The following FGGY variants were observed in gnomAD, a reference collection of about 807,000 sequenced individuals.
FGGY encodes FGGY carbohydrate kinase domain containing.
FGGY carries 72 observed loss-of-function variants against 71.3 expected under a neutral mutation model. That is an observed-to-expected ratio of 1.01 (90% CI 0.84 to 1.23). FGGY has a LOEUF of 1.23. Ranked by LOEUF, FGGY falls within the 50% of genes most tolerant of loss-of-function variation. The pLI is 0.00. For synonymous variants in FGGY, 251 were observed against 250.3 expected, an observed-to-expected ratio of 1.00 and a Z score of -0.02; for missense variants, 668 against 682.3, an observed-to-expected ratio of 0.98 and a Z score of 0.23.
In FGGY at chr1:59,375,940, A is replaced by C. The variant is rs181129289; in HGVS notation, c.466-2809A>C. 1.5e-3 allele frequency among the ~76,000 whole-genome samples: 208 copies of C among 139,966 alleles called. 1 individual carries two copies. Among genetic ancestry groups the C allele is most frequent in the African/African-American group, 4.4e-3 (164 of 37,124 alleles). The allele number at this position is 139,966 out of a possible 152,430, so 91.8% of individuals were successfully genotyped here. A position where few individuals can be genotyped will look rare whatever the true frequency, so the allele number is the denominator to read the frequency against. On this transcript the variant is annotated intron_variant, in intron 4 of 15. Transcript: ENST00000303721. Reference sequence around the variant, plus strand: ...AGATTGTTGTGCTTTGGCTTGAAGCACTGGTTGTTGCTGCGGTGGTTTGGC... The same window carrying C: ...AGATTGTTGTGCTTTGGCTTGAAGCCCTGGTTGTTGCTGCGGTGGTTTGGC...
At chr1:59,587,798 C>T (rs1263769873) in intron 8 of FGGY, among the ~76,000 whole-genome samples, 7 of 152,074 alleles carry the variant, frequency 4.6e-5, no homozygotes, top group African/African-American at 9.7e-5. Flanking sequence ...CCCATCTGTA[C>T]GTCGCCATCA....
intron 8 of FGGY, among the ~76,000 whole-genome samples, chr1:59,595,474 A>T (rs964102574): frequency 6.6e-6 from 1 of 152,122 alleles, no homozygotes; most frequent in African/African-American, 2.4e-5. Flanking sequence ...GCAGATCACA[A>T]GGTCAGGAGT....
chr1:59,708,042 AAGGTTATAT>A (rs1258049763), intron 14 of FGGY, among the ~76,000 whole-genome samples: 4 of 152,182 alleles, frequency 2.6e-5, no homozygotes, highest in Admixed American at 2.6e-4. Context: ...TAACTGTCCT[AAGGTTATAT>A]AGAGAGAATC....
intron 8 of FGGY, among the ~76,000 whole-genome samples, chr1:59,569,691 T>C (rs2153732303): frequency 6.6e-6 from 1 of 152,338 alleles, no homozygotes; most frequent in South Asian, 2.1e-4. Context: ...TATGGAAGTT[T>C]TTGTGACCGT....
chr1:59,381,575 T>A (rs2059450201), intron 5 of FGGY, among the ~76,000 whole-genome samples: 1 of 152,022 alleles, frequency 6.6e-6, no homozygotes, highest in African/African-American at 2.4e-5. Context: ...ATGGGACCAC[T>A]GTCATATATG....
At chr1:59,458,978 A>G (rs2091956613) in intron 6 of FGGY, among the ~76,000 whole-genome samples, 1 of 152,222 alleles carries the variant, frequency 6.6e-6, no homozygotes, top group South Asian at 2.1e-4. Flanking sequence ...AGTGTTAAAC[A>G]TTTCCAGTGG....
intron 14 of FGGY, among the ~76,000 whole-genome samples, chr1:59,690,847 A>G (rs2097581868): frequency 6.6e-6 from 1 of 152,248 alleles, no homozygotes. Flanking sequence ...ATGTCTCCAG[A>G]AACAACTTTA....
intron 5 of FGGY, among the ~76,000 whole-genome samples, chr1:59,395,984 C>T (rs569239452): frequency 6.6e-6 from 1 of 152,220 alleles, no homozygotes; most frequent in Non-Finnish European, 1.5e-5. Flanking sequence ...AAATAATCAC[C>T]CTAAGCCAGT....
intron 6 of FGGY, among the ~76,000 whole-genome samples, chr1:59,471,997 C>G (rs562289965): frequency 1.3e-5 from 2 of 152,358 alleles, no homozygotes; most frequent in South Asian, 4.1e-4. Flanking sequence ...GCTCGCTCTC[C>G]GCGCCTCCTC....
intron 5 of FGGY, among the ~76,000 whole-genome samples, chr1:59,443,595 A>G (rs2070500878): frequency 1.3e-5 from 2 of 152,254 alleles, no homozygotes; most frequent in Non-Finnish European, 1.5e-5. Flanking sequence ...CAGGAATGCC[A>G]TTAAGACTGA....
chr1:59,654,114 T>C (rs74950182), intron 11 of FGGY, among the ~76,000 whole-genome samples: 2 of 152,238 alleles, frequency 1.3e-5, no homozygotes, highest in African/African-American at 2.4e-5. Context: ...TACCACATTG[T>C]GGTAGCACAG....
intron 14 of FGGY, among the ~76,000 whole-genome samples, chr1:59,743,927 T>C (rs1049732343): frequency 2.0e-5 from 3 of 152,336 alleles, no homozygotes; most frequent in South Asian, 2.1e-4. Flanking sequence ...CTGTGTTCTT[T>C]ATCACTCCCC....
intron 4 of FGGY, among the ~76,000 whole-genome samples, chr1:59,358,214 G>A (rs1570934710): frequency 1.3e-5 from 2 of 152,210 alleles, no homozygotes; most frequent in East Asian, 3.9e-4. Context: ...GGTGCAAAAT[G>A]GTATTCTTTT....
intron 4 of FGGY, among the ~76,000 whole-genome samples, chr1:59,347,132 C>CAA (rs556967334): frequency 1.4e-3 from 203 of 147,536 alleles, no homozygotes; most frequent in African/African-American, 3.7e-3. Context: ...TTTTAGGGTA[C>CAA]ATGTGCACAA....
rs77518251 is a variant in FGGY at position 59,433,038 on chromosome 1, C to T, written c.555-23923C>T. On this transcript the variant is annotated intron_variant, in intron 5 of 15. Coordinates refer to ENST00000303721, the MANE Select transcript of FGGY (RefSeq NM_018291.5). ...TGAGGAAAAGGACATATCCAACTGA[C>T]CTTTGTATCTGTAGAGCCTAGCTCC... Among the ~76,000 whole-genome samples, 625 of 152,332 alleles carry T rather than the reference C, an allele frequency of 4.1e-3. 3 individuals carry two copies. Among genetic ancestry groups the T allele is most frequent in the African/African-American group, 0.014 (584 of 41,578 alleles).
At chr1:59,465,653 CAA>C (rs2092574783) in intron 6 of FGGY, among the ~76,000 whole-genome samples, 1 of 152,208 alleles carries the variant, frequency 6.6e-6, no homozygotes, top group African/African-American at 2.4e-5. Flanking sequence ...GCAACTTCAG[CAA>C]AGTCTCAGGA....
At position 59,721,337 on chromosome 1, in the gene FGGY, G is replaced by GTTTTTTTTTTTTTTTTTTTTT. The variant is rs71046339; in HGVS notation, c.1513-36575_1513-36574insTTTTTTTTTTTTTTTTTTTTT. Among the ~76,000 whole-genome samples the GTTTTTTTTTTTTTTTTTTTTT allele has an allele frequency of 1.6e-4, 17 of 105,370 alleles. 4 individuals carry two copies. Among genetic ancestry groups the GTTTTTTTTTTTTTTTTTTTTT allele is most frequent in the East Asian group, 6.4e-4 (2 of 3,124 alleles). The allele number at this position is 105,370 out of a possible 152,430, so 69.1% of individuals were successfully genotyped here. ...AGAGAGTTTTTCTTTTCTTTCCTTT[G>GTTTTTTTTTTTTTTTTTTTTT]TTTTTTTTTTTTTTTTTTTGAGACG... is the stretch of plus-strand genomic sequence containing the variant. On this transcript the variant is annotated intron_variant, in intron 14 of 15. Transcript: ENST00000303721.
In FGGY at chr1:59,299,062, C is replaced by T. The variant is rs2042375039; in HGVS notation, c.-15+1912C>T. ...AGATGAGTACATTGAAAAGGTATGC[C>T]GAAGACTCCCAGGAGTTGAGAGAAG... On this transcript the variant is annotated intron_variant, in intron 1 of 15. Coordinates refer to ENST00000303721, the MANE Select transcript of FGGY (RefSeq NM_018291.5). Among the ~76,000 whole-genome samples, 3 of 152,070 alleles carry T rather than the reference C, an allele frequency of 2.0e-5. No homozygotes were observed. The South Asian group carries it at 6.2e-4, about 32-fold the overall frequency.
intron 10 of FGGY, among the ~76,000 whole-genome samples, chr1:59,636,623 A>G (rs2096962686): frequency 6.6e-6 from 1 of 152,148 alleles, no homozygotes. Context: ...TTCCATCTCA[A>G]AGAAAAAAAT....
Sources: allele counts gnomAD v4.1 joint callset (sites outside exome capture counted in the v4.1 genomes callset), GRCh38; gene constraint gnomAD v4.1.1; transcripts MANE v1.5; gene names NCBI Gene and HGNC (gene_info 2026-07-23, HGNC 2026-07-21).